Variants in GPC5 observed in about 807,000 individuals in gnomAD.
GPC5 encodes glypican 5.
GPC5 carries 47 observed loss-of-function variants against 53.9 expected under a neutral mutation model. That is an observed-to-expected ratio of 0.87 (90% CI 0.69 to 1.11). GPC5 has a LOEUF of 1.11. Among genes scored for constraint, GPC5 ranks in the 50% most tolerant of loss-of-function variants. The pLI is 0.00. For missense variants in GPC5, 748 were observed against 713.1 expected (o/e 1.05, Z -0.56); for synonymous variants, 286 against 263.3 (o/e 1.09, Z -0.84).
chr13:91,766,971 A>G (rs563403996), intron 5 of GPC5, among the ~76,000 whole-genome samples: 10 of 152,368 alleles, frequency 6.6e-5, no homozygotes, highest in African/African-American at 2.2e-4. Flanking sequence ...TAACTGTTAA[A>G]TCATGTTATT....
chr13:92,441,825 GA>G (rs771528602), intron 7 of GPC5, among the ~76,000 whole-genome samples: 1 of 151,782 alleles, frequency 6.6e-6, no homozygotes, highest in Admixed American at 6.6e-5. Context: ...CACAGAATTA[GA>G]AAAAACTACT....
chr13:92,240,303 GA>G, intron 7 of GPC5: 2 of 151,030 alleles, frequency 1.3e-5, no homozygotes, highest in African/African-American at 4.8e-5. Flanking sequence ...TTTTTTTGTG[GA>G]AAAAATATTC....
intron 7 of GPC5, among the ~76,000 whole-genome samples, chr13:92,250,410 C>T (rs2042684234): frequency 1.3e-5 from 2 of 152,136 alleles, no homozygotes; most frequent in Admixed American, 6.6e-5. Context: ...TGACAGCTGT[C>T]ACTGAATGTG....
chr13:92,494,584 G>A (rs1879898099), intron 7 of GPC5, among the ~76,000 whole-genome samples: 1 of 152,132 alleles, frequency 6.6e-6, no homozygotes, highest in Admixed American at 6.5e-5. Flanking sequence ...TCGTATATAT[G>A]AAGTAATTGC....
At chr13:92,539,370 G>A (rs533555829) in intron 7 of GPC5, among the ~76,000 whole-genome samples, 1 of 151,948 alleles carries the variant, frequency 6.6e-6, no homozygotes, top group Admixed American at 6.6e-5. Flanking sequence ...ACTCTAACTG[G>A]TTGAGATGAT....
At chr13:92,400,856 A>G (rs1875524391) in intron 7 of GPC5, among the ~76,000 whole-genome samples, 1 of 152,192 alleles carries the variant, frequency 6.6e-6, no homozygotes, top group South Asian at 2.1e-4. Flanking sequence ...CTTGGCAAAT[A>G]AAATGTTGTC....
At chr13:91,995,896 C>A (rs1171013431) in intron 6 of GPC5, 1 of 152,114 alleles carries the variant, frequency 6.6e-6, no homozygotes, top group Non-Finnish European at 1.5e-5. Context: ...AGACACTGAC[C>A]TTTGTGGTGA....
intron 7 of GPC5, among the ~76,000 whole-genome samples, chr13:92,175,431 G>A (rs989154394): frequency 6.6e-5 from 10 of 152,096 alleles, no homozygotes; most frequent in African/African-American, 9.7e-5. Context: ...TTAGTAGTGC[G>A]TTCTAATAAA....
At chr13:91,782,231 A>C (rs1854981) in intron 5 of GPC5, among the ~76,000 whole-genome samples, 50,785 of 152,056 alleles carry the variant, frequency 0.33, 9,972 homozygotes, top group East Asian at 0.65. Flanking sequence ...GTAACAGAAA[A>C]GAGAAACCCT....
chr13:92,380,971 C>G (rs544346058), intron 7 of GPC5, among the ~76,000 whole-genome samples: 1 of 152,012 alleles, frequency 6.6e-6, no homozygotes, highest in African/African-American at 2.4e-5. Context: ...ACTTTTGAGA[C>G]TTTATCCCCT....
Position 92,353,602 on chromosome 13 carries a change from G to A in GPC5, c.1561+208613G>A, listed in dbSNP as rs139414708. On this transcript the variant is annotated intron_variant, in intron 7 of 7. Coordinates refer to ENST00000377067, the MANE Select transcript of GPC5 (RefSeq NM_004466.6). The stretch of plus-strand genomic sequence containing the variant: ...TCTTTTTGAGTGGTAGATTTATGGA[G>A]CAAAAGTTATTATTAAAAATTACTA... Among the ~76,000 whole-genome samples, 263 of 152,214 alleles carry A rather than the reference G, an allele frequency of 1.7e-3. 3 individuals carry two copies. Among genetic ancestry groups the A allele is most frequent in the African/African-American group, 6.0e-3 (251 of 41,532 alleles).
chr13:92,282,420 A>G (rs2042922875), intron 7 of GPC5, among the ~76,000 whole-genome samples: 1 of 152,160 alleles, frequency 6.6e-6, no homozygotes, highest in African/African-American at 2.4e-5. Flanking sequence ...CTCCTTGAGA[A>G]GAGCAACTCC....
intron 7 of GPC5, among the ~76,000 whole-genome samples, chr13:92,567,619 T>C (rs947787293): frequency 1.7e-4 from 26 of 152,116 alleles, no homozygotes; most frequent in African/African-American, 5.3e-4. Context: ...ACTGATGAGA[T>C]GTGTGAAATA....
chr13:92,349,467 T>A (rs1358271461), intron 7 of GPC5, among the ~76,000 whole-genome samples: 3 of 145,278 alleles, frequency 2.1e-5, no homozygotes, highest in African/African-American at 5.2e-5. Context: ...TTTTTTTTTT[T>A]AATTAATTTA....
chr13:92,586,790 G>A (rs1424661311), intron 7 of GPC5, among the ~76,000 whole-genome samples: 2 of 152,074 alleles, frequency 1.3e-5, no homozygotes, highest in Non-Finnish European at 1.5e-5. Flanking sequence ...GGAGAGAAAC[G>A]GAAATGAAGG....
rs535067028 is a variant in GPC5, at chr13:91,974,773, A to G, written c.1401+66716A>G. Among the ~76,000 whole-genome samples the G allele has an allele frequency of 2.1e-3, 322 of 152,288 alleles. 2 individuals carry two copies. Among genetic ancestry groups the G allele is most frequent in the African/African-American group, 6.9e-3 (287 of 41,528 alleles). ...TCACAGAATTGGAAAAAACTACTTT[A>G]AAGTTCATATGGAACCAAAAAAGAG... On this transcript the variant is annotated intron_variant, in intron 6 of 7. Coordinates refer to ENST00000377067, the MANE Select transcript of GPC5 (RefSeq NM_004466.6).
At chr13:91,466,329 G>C (rs1882237073) in intron 2 of GPC5, among the ~76,000 whole-genome samples, 1 of 152,274 alleles carries the variant, frequency 6.6e-6, no homozygotes, top group South Asian at 2.1e-4. Flanking sequence ...CTCTCCAAGG[G>C]GGACTTGTCC....
At chr13:91,927,466 T>C (rs1234509682) in intron 6 of GPC5, among the ~76,000 whole-genome samples, 1 of 152,150 alleles carries the variant, frequency 6.6e-6, no homozygotes, top group Non-Finnish European at 1.5e-5. Flanking sequence ...ATATATACTA[T>C]TCTAATATTG....
intron 7 of GPC5, among the ~76,000 whole-genome samples, chr13:92,168,122 A>G (rs1383100513): frequency 6.6e-6 from 1 of 152,142 alleles, no homozygotes; most frequent in Non-Finnish European, 1.5e-5. Flanking sequence ...GAGTCCTAAC[A>G]CTGGGTTTCT....
Sources: allele counts gnomAD v4.1 joint callset (sites outside exome capture counted in the v4.1 genomes callset), GRCh38; gene constraint gnomAD v4.1.1; transcripts MANE v1.5; gene names NCBI Gene and HGNC (gene_info 2026-07-23, HGNC 2026-07-21).